The following SPAG16 variants were observed in gnomAD, a reference collection of about 807,000 sequenced individuals.
SPAG16 encodes sperm associated antigen 16.
Under a neutral mutation model 80.4 loss-of-function variants are expected in SPAG16, and 86 were observed. The ratio of observed to expected loss-of-function variants is 1.07; its 90% confidence interval spans 0.90 to 1.28. SPAG16 has a LOEUF of 1.28. Ranked by LOEUF, SPAG16 falls within the 50% of genes most tolerant of loss-of-function variation. The pLI is 0.00. For missense variants in SPAG16, 870 were observed against 765.3 expected (o/e 1.14, Z -1.61); for synonymous variants, 294 against 265.9 (o/e 1.11, Z -1.03).
chr2:213,888,456 T>C (rs2076654692), intron 11 of SPAG16, among the ~76,000 whole-genome samples: 2 of 151,780 alleles, frequency 1.3e-5, no homozygotes, highest in Non-Finnish European at 3.0e-5. Context: ...GAGGTTATTC[T>C]TTGATGACTG....
At chr2:214,353,664 G>T (rs566601759) in intron 15 of SPAG16, among the ~76,000 whole-genome samples, 1 of 152,090 alleles carries the variant, frequency 6.6e-6, no homozygotes. Flanking sequence ...AGATGCCATT[G>T]CATAAAGATA....
chr2:213,544,492 G>T (rs1200085958), intron 10 of SPAG16, among the ~76,000 whole-genome samples: 1 of 151,946 alleles, frequency 6.6e-6, no homozygotes, highest in Admixed American at 6.6e-5. Flanking sequence ...AGGTATATTC[G>T]TTTTAATTTA....
chr2:213,388,923 T>A (rs2067592719), intron 9 of SPAG16, among the ~76,000 whole-genome samples: 1 of 152,198 alleles, frequency 6.6e-6, no homozygotes, highest in Non-Finnish European at 1.5e-5. Flanking sequence ...AAACCCATCC[T>A]AAGTTTCGTA....
At chr2:213,856,859 C>G (rs962762603) in intron 10 of SPAG16, among the ~76,000 whole-genome samples, 6 of 152,078 alleles carry the variant, frequency 3.9e-5, no homozygotes, top group African/African-American at 1.4e-4. Context: ...TATGGTGAAG[C>G]AACAAGTGCT....
chr2:213,907,741 C>T (rs972171385), intron 11 of SPAG16, among the ~76,000 whole-genome samples: 6 of 151,910 alleles, frequency 3.9e-5, no homozygotes, highest in South Asian at 2.1e-4. Context: ...GCCTGGAGGA[C>T]GTTATGTAAA....
intron 15 of SPAG16, among the ~76,000 whole-genome samples, chr2:214,225,469 T>C (rs1370129946): frequency 6.6e-6 from 1 of 152,072 alleles, no homozygotes; most frequent in Non-Finnish European, 1.5e-5. Flanking sequence ...CTATTCTAAG[T>C]GTATTTGTTT....
chr2:213,863,624 C>A (rs957468931), intron 11 of SPAG16, among the ~76,000 whole-genome samples: 2 of 151,870 alleles, frequency 1.3e-5, no homozygotes, highest in African/African-American at 4.8e-5. Flanking sequence ...ATAAATTAAA[C>A]AGAGCCTTGC....
Position 213,747,757 on chromosome 2 carries a change from G to GAAT in SPAG16, c.1071-114726_1071-114724dup, listed in dbSNP as rs2067894979. On this transcript the variant is annotated intron_variant, in intron 10 of 15. Transcript: ENST00000331683. ...ATGTTCGAAGAAGGATACCATCTCA[G>GAAT]AATACATCACCGTCTTGATACCATC... 2.0e-5 allele frequency among the ~76,000 whole-genome samples: 3 copies of GAAT among 152,126 alleles called. No individual in the cohort carries two copies. In the South Asian group the frequency reaches 6.2e-4, roughly 31 times the overall value.
intron 12 of SPAG16, among the ~76,000 whole-genome samples, chr2:213,945,142 A>G (rs2079385452): frequency 6.6e-6 from 1 of 151,680 alleles, no homozygotes; most frequent in Non-Finnish European, 1.5e-5. Context: ...AGAGGTACAG[A>G]ACTAATAGGA....
At chr2:214,066,381 G>C (rs1362426388) in intron 13 of SPAG16, among the ~76,000 whole-genome samples, 5 of 152,042 alleles carry the variant, frequency 3.3e-5, no homozygotes, top group Non-Finnish European at 7.4e-5. Flanking sequence ...AAACATCAAG[G>C]CTCAGAAAAA....
intron 6 of SPAG16, among the ~76,000 whole-genome samples, chr2:213,344,477 C>T (rs1293719777): frequency 6.6e-6 from 1 of 152,054 alleles, no homozygotes; most frequent in Admixed American, 6.6e-5. Flanking sequence ...GTGCTGCACC[C>T]ATTAACTCAT....
intron 10 of SPAG16, among the ~76,000 whole-genome samples, chr2:213,742,231 T>G (rs1264111559): frequency 2.0e-5 from 3 of 152,104 alleles, no homozygotes; most frequent in Admixed American, 1.3e-4. Flanking sequence ...TACAGATTGT[T>G]TACTAATTTT....
At chr2:213,467,220 C>T (rs1220236319) in intron 9 of SPAG16, among the ~76,000 whole-genome samples, 1 of 152,148 alleles carries the variant, frequency 6.6e-6, no homozygotes, top group Non-Finnish European at 1.5e-5. Context: ...TTTTAGGGCT[C>T]ACTAAACTAG....
intron 10 of SPAG16, among the ~76,000 whole-genome samples, chr2:213,674,687 A>T (rs953787133): frequency 6.7e-6 from 1 of 149,938 alleles, no homozygotes; most frequent in Non-Finnish European, 1.5e-5. Context: ...TTCCAATTTC[A>T]TCCATGTCCC....
At position 214,085,043 on chromosome 2, in the gene SPAG16, T is replaced by C. The variant is rs189290462; in HGVS notation, c.1528-23153T>C. Among the ~76,000 whole-genome samples, 433 of 152,316 alleles carry C rather than the reference T, an allele frequency of 2.8e-3. 2 individuals are homozygous for C. Among genetic ancestry groups the C allele is most frequent in the African/African-American group, 9.9e-3 (413 of 41,570 alleles). ...GAAGAAATGCTTCACAGAAAGCAGG[T>C]GCTTTACTTCAGTCTTTAATAAGAA... is the stretch of plus-strand genomic sequence containing the variant. On this transcript the variant is annotated intron_variant, in intron 13 of 15. Coordinates refer to ENST00000331683, the MANE Select transcript of SPAG16 (RefSeq NM_024532.5).
chr2:214,149,039 T>C (rs566743890), intron 14 of SPAG16, 101 bp from the exon 15 acceptor site: 3 of 384,812 alleles, frequency 7.8e-6, no homozygotes, highest in African/African-American at 4.4e-5. Flanking sequence ...TTTGTATATA[T>C]GTAGTGTGTG....
chr2:213,422,216 C>A (rs1053053239), intron 9 of SPAG16: 15 of 701,526 alleles, frequency 2.1e-5, no homozygotes, highest in South Asian at 4.4e-5. Context: ...CTGTGACACC[C>A]TCTTTGGGGC....
intron 15 of SPAG16, among the ~76,000 whole-genome samples, chr2:214,225,762 G>C (rs1445812289): frequency 6.6e-6 from 1 of 152,078 alleles, no homozygotes; most frequent in Non-Finnish European, 1.5e-5. Context: ...TATAGTATCT[G>C]ATCTGAAAAA....
At chr2:213,336,526 C>T (rs1314391215) in intron 5 of SPAG16, among the ~76,000 whole-genome samples, 2 of 152,228 alleles carry the variant, frequency 1.3e-5, no homozygotes, top group Non-Finnish European at 2.9e-5. Flanking sequence ...CACTGCGGCT[C>T]CAGTTGGCCA....
Sources: gnomAD v4.1 joint callset for allele counts (sites outside exome capture counted in the v4.1 genomes callset) on GRCh38, gnomAD v4.1.1 for gene constraint, MANE v1.5 for transcripts, NCBI Gene and HGNC (gene_info 2026-07-23, HGNC 2026-07-21) for gene names.